Variants in TBC1D5 observed in about 807,000 individuals in gnomAD.
TBC1D5 encodes the protein TBC1 domain family member 5.
In TBC1D5, 75 loss-of-function variants were observed where a neutral mutation model predicts 100.3. The ratio of observed to expected loss-of-function variants is 0.75; its 90% confidence interval spans 0.62 to 0.91. The LOEUF (loss-of-function observed/expected upper bound fraction) is 0.91, where lower values mean the gene tolerates loss of function less well. Among genes scored for constraint, TBC1D5 ranks in the 40% least tolerant of loss-of-function variants. The probability of loss-of-function intolerance (pLI) is 0.00; values close to 1 mark genes in which losing one functional copy is unlikely to be tolerated. For synonymous variants in TBC1D5, 323 were observed against 325.6 expected (o/e 0.99, Z 0.09); for missense variants, 910 against 942.4 (o/e 0.97, Z 0.45).
At chr3:17,633,820 G>T (rs1439808535) in intron 1 of TBC1D5, among the ~76,000 whole-genome samples, 3 of 152,062 alleles carry the variant, frequency 2.0e-5, no homozygotes, top group Non-Finnish European at 4.4e-5. Context: ...CATATTATTA[G>T]ATATGGCCCA....
intron 3 of TBC1D5, among the ~76,000 whole-genome samples, chr3:17,434,074 G>A (rs1317259992): frequency 3.9e-5 from 6 of 152,078 alleles, no homozygotes; most frequent in South Asian, 2.1e-4. Context: ...CTCCCCTCCC[G>A]GCTGCCTTCA....
intron 1 of TBC1D5, among the ~76,000 whole-genome samples, chr3:17,640,445 T>C (rs890097806): frequency 1.3e-5 from 2 of 152,070 alleles, no homozygotes; most frequent in Non-Finnish European, 2.9e-5. Context: ...GCCAAATCCT[T>C]CCACCCAAAA....
chr3:17,564,002 T>A (rs1209246232), intron 2 of TBC1D5, among the ~76,000 whole-genome samples: 2 of 152,220 alleles, frequency 1.3e-5, no homozygotes, highest in African/African-American at 4.8e-5. Context: ...CAGGATGGTC[T>A]CGATCTCCTG....
intron 3 of TBC1D5, among the ~76,000 whole-genome samples, chr3:17,492,070 GGTTT>G (rs1383184369): frequency 6.6e-6 from 1 of 152,050 alleles, no homozygotes; most frequent in African/African-American, 2.4e-5. Context: ...TAAATTTTCT[GGTTT>G]ATTTGCATAG....
At chr3:17,502,225 A>T (rs1030188421) in intron 3 of TBC1D5, among the ~76,000 whole-genome samples, 1 of 149,846 alleles carries the variant, frequency 6.7e-6, no homozygotes, top group African/African-American at 2.5e-5. Flanking sequence ...TATAGAATAC[A>T]TAATTCACTT....
At chr3:17,162,926 TCAC>T (rs1369539288) in intron 21 of TBC1D5, among the ~76,000 whole-genome samples, 4 of 152,182 alleles carry the variant, frequency 2.6e-5, no homozygotes, top group Non-Finnish European at 5.9e-5. Context: ...TCTTGACCTC[TCAC>T]CACAACACAG....
chr3:17,375,562 A>T (rs936546604), intron 10 of TBC1D5, among the ~76,000 whole-genome samples: 130 of 148,508 alleles, frequency 8.8e-4, no homozygotes, highest in African/African-American at 2.9e-3. Context: ...AAAACATAAA[A>T]TTTAAAAAAA....
chr3:17,706,613 G>A (rs2074208724), intron 1 of TBC1D5, among the ~76,000 whole-genome samples: 1 of 151,840 alleles, frequency 6.6e-6, no homozygotes, highest in African/African-American at 2.4e-5. Context: ...GCAAATATTA[G>A]CAAGAAAATC....
intron 2 of TBC1D5, among the ~76,000 whole-genome samples, chr3:17,616,681 G>A (rs2153636318): frequency 6.6e-6 from 1 of 152,190 alleles, no homozygotes; most frequent in African/African-American, 2.4e-5. Context: ...TTGGCTTATA[G>A]TCTGTTTTAT....
At chr3:17,401,211 GTA>G (rs1412856993) in intron 8 of TBC1D5, among the ~76,000 whole-genome samples, 6 of 150,270 alleles carry the variant, frequency 4.0e-5, no homozygotes, top group Admixed American at 2.7e-4. Context: ...GAAAAACACT[GTA>G]TGTGTGTGTA....
intron 1 of TBC1D5, among the ~76,000 whole-genome samples, chr3:17,666,909 G>A (rs780738646): frequency 2.0e-5 from 3 of 151,710 alleles, no homozygotes; most frequent in East Asian, 1.9e-4. Context: ...TAGATCTTTC[G>A]TGTTTTTGTG....
intron 13 of TBC1D5, among the ~76,000 whole-genome samples, chr3:17,323,252 A>C (rs1470269236): frequency 6.6e-6 from 1 of 152,260 alleles, no homozygotes; most frequent in Non-Finnish European, 1.5e-5. Flanking sequence ...TATGAGATGC[A>C]GACTCATATC....
intron 3 of TBC1D5, among the ~76,000 whole-genome samples, chr3:17,475,493 C>A (rs2095427791): frequency 6.6e-6 from 1 of 152,036 alleles, no homozygotes; most frequent in Non-Finnish European, 1.5e-5. Context: ...TTGCCCAATG[C>A]CAAAAATCTA....
chr3:17,301,818 A>C (rs569901605), intron 14 of TBC1D5, among the ~76,000 whole-genome samples: 1 of 152,308 alleles, frequency 6.6e-6, no homozygotes, highest in African/African-American at 2.4e-5. Context: ...GAAGCAAGGA[A>C]TCACAAGAGT....
chr3:17,727,749 G>A (rs1332942542), intron 1 of TBC1D5, among the ~76,000 whole-genome samples: 2 of 152,156 alleles, frequency 1.3e-5, no homozygotes, highest in African/African-American at 4.8e-5. Context: ...TCAATGACAT[G>A]CTCTTTAAAC....
intron 14 of TBC1D5, among the ~76,000 whole-genome samples, chr3:17,297,660 G>T (rs2060625): frequency 0.41 from 61,820 of 151,586 alleles, 13,243 homozygotes; most frequent in Middle Eastern, 0.5. Context: ...ACAACTCAAT[G>T]AAGCCTTGAC....
intron 3 of TBC1D5, among the ~76,000 whole-genome samples, chr3:17,428,898 C>T (rs1014145678): frequency 6.6e-6 from 1 of 152,042 alleles, no homozygotes; most frequent in East Asian, 1.9e-4. Context: ...CAAAAGAGAA[C>T]AGGCAGAGAG....
At chr3:17,647,071 A>T (rs1184823162) in intron 1 of TBC1D5, 3 of 152,292 alleles carry the variant, frequency 2.0e-5, no homozygotes, top group African/African-American at 7.2e-5. Context: ...AGAGAAAAAA[A>T]GAGACCATCA....
chr3:17,415,094 A>G (rs1490649274), intron 4 of TBC1D5, among the ~76,000 whole-genome samples: 1 of 152,218 alleles, frequency 6.6e-6, no homozygotes, highest in African/African-American at 2.4e-5. Flanking sequence ...TCACAGGAAC[A>G]CAAAGAACTG....
Sources: allele counts gnomAD v4.1 joint callset (sites outside exome capture counted in the v4.1 genomes callset), GRCh38; gene constraint gnomAD v4.1.1; transcripts MANE v1.5; gene names NCBI Gene and HGNC (gene_info 2026-07-23, HGNC 2026-07-21).